CA9: variants seen among roughly 807,000 people sequenced by gnomAD.
The protein encoded by CA9 is CA-IX.
A neutral mutation model predicts 51.8 loss-of-function variants in CA9; 43 were observed. The observed-to-expected ratio is 0.83, with a 90% CI of 0.65 to 1.07. CA9 has a LOEUF of 1.07. Among genes scored for constraint, CA9 ranks in the 50% least tolerant of loss-of-function variants. The pLI is 0.00. For missense variants in CA9, 574 were observed against 581.4 expected, an observed-to-expected ratio of 0.99 and a Z score of 0.13; for synonymous variants, 253 against 244.2, an observed-to-expected ratio of 1.04 and a Z score of -0.34.
Position 35,677,812 on chromosome 9 carries a change from C to T in CA9, c.863C>T (p.Ala288Val). The change falls in exon 6 of 11, where the codon GCC becomes GTC. Residue 288 changes from alanine (A) to valine (V), a missense_variant. Coordinates refer to ENST00000378357, the MANE Select transcript of CA9 (RefSeq NM_001216.3). ...FLEEGPEENS[A>V]YEQLLSRLEE... ...CAGGAGGGCCCGGAAGAAAACAGTG[C>T]CTATGAGCAGTTGCTGTCTCGCTTG... 6.2e-7 allele frequency: 1 copy of T among 1,614,062 alleles called. No homozygotes were observed.
Position 35,679,242 on chromosome 9 carries a change from G to A in CA9, c.965G>A (p.Ser322Asn). Residue 322 changes from serine to asparagine, a missense_variant, in exon 7 of 11, where the codon AGC becomes AAC. Transcript: ENST00000378357. ...TCTGCACTCCTGCCCTCTGACTTCA[G>A]CCGCTACTTCCAATATGAGGGGTCT... ...DISALLPSDF[S>N]RYFQYEGSLT... 1 of 1,614,162 alleles carries A rather than the reference G, an allele frequency of 6.2e-7. No individual in the cohort carries two copies.
chr9:35,676,221 G>A lies in CA9; in HGVS notation c.747+15G>A, dbSNP rs1192305561. ...TCCCTGCCGAGGTGAGCGCGGAGCT[G>A]GCCGAGAAGGGGCAAAGGAGCGGGG... On this transcript the variant is annotated intron_variant, in intron 4 of 10. Transcript: ENST00000378357. The A allele has an allele frequency of 6.2e-7, 1 of 1,612,252 alleles. No homozygotes were observed. Among genetic ancestry groups the A allele is most frequent in the Non-Finnish European group, 8.5e-7 (1 of 1,179,138 alleles).
rs1824499915 is a variant in CA9 at position 35,679,926 on chromosome 9, C to T, written c.1138C>T (p.Pro380Ser). Residue 380 changes from proline to serine, a missense_variant, in exon 8 of 11, where the codon CCT becomes TCT. Pro to Ser is a moderately conservative substitution (Grantham distance 74). Coordinates refer to ENST00000378357, the MANE Select transcript of CA9 (RefSeq NM_001216.3). Reference sequence around the variant, plus strand: ...ACAGCTGAACTTCCGAGCGACGCAGCCTTTGAATGGGCGAGTGATTGAGGC... The same window carrying T: ...ACAGCTGAACTTCCGAGCGACGCAGTCTTTGAATGGGCGAGTGATTGAGGC... ...RLQLNFRATQ[P>S]LNGRVIEASF... is the part of the protein sequence containing the mutation. 6.2e-7 allele frequency: 1 copy of T among 1,614,012 alleles called. No individual in the cohort carries two copies. Among genetic ancestry groups the T allele is most frequent in the Non-Finnish European group, 8.5e-7 (1 of 1,179,956 alleles).
intron 6 of CA9, 141 bp downstream of exon 6, chr9:35,677,997 T>A: frequency 1.4e-6 from 1 of 710,144 alleles, no homozygotes; most frequent in Non-Finnish European, 2.5e-6. Flanking sequence ...ATCTTGATAA[T>A]AACCATGAAG....
Position 35,676,389 on chromosome 9 carries a change from G to A in CA9, c.840G>A (p.Glu280=), listed in dbSNP as rs771876170. The A allele has an allele frequency of 1.2e-6, 2 of 1,611,746 alleles. No homozygotes were observed. The highest frequency in any genetic ancestry group is 2.2e-5 in the South Asian group (2 of 90,912). The change falls in exon 5 of 11, where the codon GAG becomes GAA. Residue 280 remains glutamate (E), a splice_region_variant and synonymous_variant. Transcript: ENST00000378357. ...TGGCCGTGTTGGCCGCCTTTCTGGA[G>A]GTACCAGATCCTGGACACCCCCTAC... ...GGLAVLAAFL[E]EGPEENSAYE...
chr9:35,680,254 A>C, intron 9 of CA9, 115 bp downstream of exon 9: 1 of 1,156,038 alleles, frequency 8.7e-7, no homozygotes, highest in Non-Finnish European at 1.3e-6. Flanking sequence ...ACAGACCCCA[A>C]CCCCAATATT....
chr9:35,680,666 G>T, intron 9 of CA9, 87 bp from the exon 10 acceptor site: 1 of 1,065,578 alleles, frequency 9.4e-7, no homozygotes, highest in South Asian at 1.3e-5. Flanking sequence ...TCGGGGCAGG[G>T]GTGGTGGAGT....
intron 2 of CA9, 51 bp from the exon 3 acceptor site, chr9:35,675,710 T>C: frequency 8.2e-7 from 1 of 1,223,392 alleles, no homozygotes; most frequent in Non-Finnish European, 1.1e-6. Context: ...CCGGGTTCCC[T>C]AAGTTCCTGA....
rs1003544027 is a variant in CA9, at chr9:35,676,107, C to G, written c.648C>G (p.Pro216=). 5.0e-6 allele frequency: 8 copies of G among 1,613,668 alleles called. No individual in the cohort carries two copies. The highest frequency in any genetic ancestry group is 6.8e-6 in the Non-Finnish European group (8 of 1,179,876). Residue 216 remains proline (P), a synonymous_variant, in exon 4 of 11, where the codon CCC becomes CCG. Coordinates refer to ENST00000378357, the MANE Select transcript of CA9 (RefSeq NM_001216.3). ...CTGGGCTAGAGATGGCTCTGGGTCC[C>G]GGGCGGGAGTACCGGGCTCTGCAGC... The part of the protein sequence containing the change: ...LPPGLEMALG[P]GREYRALQLH...
At position 35,680,745 on chromosome 9, in the gene CA9, CA is replaced by C; in HGVS notation, c.1238-7del. ...TCCCAAAGCAGCCCTCTCTGCTCTCCATCGCAGGTGACATCCTAGCCCTGGT... is the reference window on the plus strand; with the variant it reads ...TCCCAAAGCAGCCCTCTCTGCTCTCCTCGCAGGTGACATCCTAGCCCTGGT... On this transcript the variant is annotated splice_region_variant and splice_polypyrimidine_tract_variant and intron_variant, in intron 9 of 10. Transcript: ENST00000378357. 6.2e-7 allele frequency: 1 copy of C among 1,613,616 alleles called. No individual in the cohort carries two copies. Among genetic ancestry groups the C allele is most frequent in the Non-Finnish European group, 8.5e-7 (1 of 1,179,554 alleles).
rs1163175198 is a variant in CA9, at chr9:35,680,956, TAC to T, written c.1320-3_1320-2del. Reference sequence around the variant, plus strand: ...TTTCTGATTAGCCTTTCCTGTTGTGTACACACAGAAGGGGAACCAAAGGGGGT... The same window carrying T: ...TTTCTGATTAGCCTTTCCTGTTGTGTACACAGAAGGGGAACCAAAGGGGGT... On this transcript the variant is annotated splice_region_variant and splice_polypyrimidine_tract_variant and intron_variant, in intron 10 of 10. Transcript: ENST00000378357. 1.9e-6 allele frequency: 3 copies of T among 1,614,036 alleles called. No individual in the cohort carries two copies. The Admixed American group carries it at 5.0e-5, about 27-fold the overall frequency.
In CA9 at chr9:35,679,999, G is replaced by A. The variant is rs746654610; in HGVS notation, c.1210+1G>A. ...AGCAGTCCTCGGGCTGCTGAGCCAGGTACAGCTTTGTCTGGTTTCCCCCCA... is the reference window on the plus strand; with the variant it reads ...AGCAGTCCTCGGGCTGCTGAGCCAGATACAGCTTTGTCTGGTTTCCCCCCA... On this transcript the variant is annotated splice_donor_variant, in intron 8 of 10. Coordinates refer to ENST00000378357, the MANE Select transcript of CA9 (RefSeq NM_001216.3). LOFTEE classifies it high-confidence loss of function. 12 of 1,614,066 alleles carry A rather than the reference G, an allele frequency of 7.4e-6. No homozygotes were observed. The East Asian group carries it at 2.7e-4, about 36-fold the overall frequency.
rs770643543 is a variant in CA9 at position 35,675,773 on chromosome 9, G to T, written c.446G>T (p.Trp149Leu). Residue 149 changes from tryptophan to leucine, a missense_variant, in exon 3 of 11, where the codon TGG (tryptophan) becomes TTG (leucine). Trp to Leu is a moderately conservative substitution (Grantham distance 61, BLOSUM62 -2). Coordinates refer to ENST00000378357, the MANE Select transcript of CA9 (RefSeq NM_001216.3). ...SHWRYGGDPP[W>L]PRVSPACAGR... ...TCTCCCACCCCAGGCGACCCGCCCT[G>T]GCCCCGGGTGTCCCCAGCCTGCGCG... 340 of 1,602,020 alleles carry T rather than the reference G, an allele frequency of 2.1e-4. No homozygotes were observed. The highest frequency in any genetic ancestry group is 2.8e-4 in the Non-Finnish European group (329 of 1,178,828).
chr9:35,675,503 T>C (rs755348906), intron 1 of CA9, 35 bp from the exon 2 acceptor site: 37 of 1,613,690 alleles, frequency 2.3e-5, no homozygotes, highest in Non-Finnish European at 3.1e-5. Flanking sequence ...ATTGGGGCTC[T>C]AAGCTTGAGC....
chr9:35,674,367 G>A lies in CA9; in HGVS notation c.403+5G>A. 1 of 1,603,922 alleles carries A rather than the reference G, an allele frequency of 6.2e-7. No individual in the cohort carries two copies. The highest frequency in any genetic ancestry group is 8.5e-7 in the Non-Finnish European group (1 of 1,175,602). ...ATGCCCACAGGGACAAAGAAGGTAA[G>A]TGGTCATCAATCTCCAAATCCAGGT... On this transcript the variant is annotated splice_donor_5th_base_variant and intron_variant, in intron 1 of 10. Transcript: ENST00000378357.
At position 35,677,742 on chromosome 9, in the gene CA9, A is replaced by G. The variant is rs753414979; in HGVS notation, c.841-48A>G. On this transcript the variant is annotated intron_variant, in intron 5 of 10. Transcript: ENST00000378357. ...CCCCTTCATGTTCCGGCCTTCAGCC[A>G]TGGCCCTGGATACATGCACTCATCT... is the stretch of plus-strand genomic sequence containing the variant. 1.2e-5 allele frequency: 18 copies of G among 1,490,722 alleles called. 1 individual carries two copies. In the South Asian group the frequency reaches 1.9e-4, roughly 16 times the overall value. 92.3% of individuals were successfully genotyped at this position (1,490,722 alleles called of 1,614,324 possible).
chr9:35,679,376 C>A (rs201325389), intron 7 of CA9, 34 bp downstream of exon 7: 2 of 1,585,598 alleles, frequency 1.3e-6, no homozygotes, highest in Non-Finnish European at 8.6e-7. Flanking sequence ...ACAGTGGGTG[C>A]GGGGGAAAGA....
At chr9:35,674,544 G>C in intron 1 of CA9, 182 bp downstream of exon 1, 2 of 580,118 alleles carry the variant, frequency 3.4e-6, no homozygotes, top group Non-Finnish European at 6.0e-6. Flanking sequence ...GGACAGATGT[G>C]GAGAGAAAAT....
In CA9 at chr9:35,679,914, C is replaced by T. The variant is rs201537277; in HGVS notation, c.1126C>T (p.Arg376Ter). The change falls in exon 8 of 11, where the codon CGA becomes TGA. Residue 376 changes from arginine to a stop codon, truncating the protein, a stop_gained. Coordinates refer to ENST00000378357, the MANE Select transcript of CA9 (RefSeq NM_001216.3). LOFTEE classifies it high-confidence loss of function. ...PGDSRLQLNF[R>*]ATQPLNGRVI... Reference sequence around the variant, plus strand: ...TGACTCTCGGCTACAGCTGAACTTCCGAGCGACGCAGCCTTTGAATGGGCG... The same window carrying T: ...TGACTCTCGGCTACAGCTGAACTTCTGAGCGACGCAGCCTTTGAATGGGCG... 5.7e-5 allele frequency: 92 copies of T among 1,613,684 alleles called. No homozygotes were observed. Among genetic ancestry groups the T allele is most frequent in the Non-Finnish European group, 7.4e-5 (87 of 1,179,852 alleles).
Sources: allele counts gnomAD v4.1 joint callset, GRCh38; gene constraint gnomAD v4.1.1; transcripts MANE v1.5; gene names NCBI Gene and HGNC (gene_info 2026-07-23, HGNC 2026-07-21).